ANXA8: variants seen among roughly 807,000 people sequenced by gnomAD.
The protein encoded by ANXA8 is annexin A8.
A neutral mutation model predicts 26.8 loss-of-function variants in ANXA8; 9 were observed. The observed-to-expected ratio is 0.34, with a 90% CI of 0.20 to 0.59. ANXA8 has a LOEUF of 0.59. Among genes scored for constraint, ANXA8 ranks in the 20% least tolerant of loss-of-function variants. The probability of loss-of-function intolerance (pLI) is 0.84; values close to 1 mark genes in which losing one functional copy is unlikely to be tolerated. For missense variants in ANXA8, 83 were observed against 238.5 expected (o/e 0.35, Z 4.29); for synonymous variants, 39 against 94.8 (o/e 0.41, Z 3.42).
chr10:47,666,422 C>T, the ANXA8 span, among the ~76,000 whole-genome samples: 2 of 151,430 alleles, frequency 1.3e-5, no homozygotes, highest in East Asian at 1.9e-4. Flanking sequence ...CTCACTTAAG[C>T]TTTACAACAG....
At chr10:47,488,919 C>A (rs1416157615), upstream of ANXA8, among the ~76,000 whole-genome samples, 3,274 of 137,690 alleles carry the variant, frequency 0.024, 142 homozygotes, top group African/African-American at 0.083. Context: ...AGTAGAGATG[C>A]GGTTTCACCG....
chr10:47,654,195 A>C, the ANXA8 span, among the ~76,000 whole-genome samples: 1 of 150,006 alleles, frequency 6.7e-6, no homozygotes, highest in East Asian at 2.0e-4. Context: ...TAAAACGTTC[A>C]GATTGTCATG....
At chr10:47,705,720 CTAAA>C in the ANXA8 span, among the ~76,000 whole-genome samples, 15,724 of 147,762 alleles carry the variant, frequency 0.11, 7 homozygotes, top group African/African-American at 0.15. Flanking sequence ...AAGTTAGTAG[CTAAA>C]TAAAGTATAT....
At chr10:47,946,263 T>C in the ANXA8 span, among the ~76,000 whole-genome samples, 2 of 149,170 alleles carry the variant, frequency 1.3e-5, no homozygotes, top group African/African-American at 5.0e-5. Flanking sequence ...ATAAACTCTC[T>C]TAGTTTCCTC....
chr10:47,603,283 G>A, the ANXA8 span, among the ~76,000 whole-genome samples: 1 of 148,888 alleles, frequency 6.7e-6, no homozygotes, highest in African/African-American at 2.6e-5. Context: ...ATTATATACG[G>A]CCAATATTAC....
upstream of ANXA8, among the ~76,000 whole-genome samples, chr10:47,488,710 TAA>T (rs1213880651): frequency 8.5e-6 from 1 of 118,128 alleles, no homozygotes; most frequent in Non-Finnish European, 1.7e-5. Context: ...TTTTACATGT[TAA>T]ATTTTTTTTT....
chr10:47,663,312 C>G, the ANXA8 span, among the ~76,000 whole-genome samples: 1 of 148,304 alleles, frequency 6.7e-6, no homozygotes, highest in East Asian at 1.9e-4. Flanking sequence ...ATCAACTCAA[C>G]CTCTTATATT....
At chr10:47,959,160 T>G in the ANXA8 span, among the ~76,000 whole-genome samples, 2 of 143,400 alleles carry the variant, frequency 1.4e-5, no homozygotes, top group African/African-American at 5.5e-5. Context: ...AACATGGGGG[T>G]GGAGTGACAG....
the ANXA8 span, among the ~76,000 whole-genome samples, chr10:47,651,624 G>A: frequency 6.7e-6 from 1 of 150,094 alleles, no homozygotes; most frequent in South Asian, 2.1e-4. Context: ...GCTGGGTGTG[G>A]TGGCACACAC....
the ANXA8 span, among the ~76,000 whole-genome samples, chr10:47,686,229 T>TTA: frequency 6.8e-6 from 1 of 146,578 alleles, no homozygotes; most frequent in African/African-American, 2.5e-5. Context: ...CTATCACTTT[T>TTA]TTTTTTTTTT....
chr10:47,681,523 CTTTTTTTT>C, the ANXA8 span, among the ~76,000 whole-genome samples: 4 of 81,274 alleles, frequency 4.9e-5, no homozygotes, highest in South Asian at 4.2e-4. Context: ...TTTATTTTTA[CTTTTTTTT>C]TTTTTTTTTT....
chr10:47,591,418 G>A, the ANXA8 span, among the ~76,000 whole-genome samples: 1 of 123,676 alleles, frequency 8.1e-6, no homozygotes, highest in Non-Finnish European at 1.6e-5. Context: ...TTCAGATGTA[G>A]TAACCTTCTT....
At chr10:47,941,245 G>T in the ANXA8 span, among the ~76,000 whole-genome samples, 1 of 146,512 alleles carries the variant, frequency 6.8e-6, no homozygotes, top group Non-Finnish European at 1.5e-5. Context: ...TAAGAAGCAG[G>T]CTGCTGTACC....
At chr10:47,620,544 A>G in the ANXA8 span, among the ~76,000 whole-genome samples, 2 of 91,856 alleles carry the variant, frequency 2.2e-5, 1 homozygote, top group Non-Finnish European at 4.7e-5. Context: ...GTGGAGTTGT[A>G]TATGTGCAGA....
the ANXA8 span, among the ~76,000 whole-genome samples, chr10:47,650,806 CAA>C: frequency 4.5e-5 from 5 of 111,508 alleles, no homozygotes; most frequent in African/African-American, 6.5e-5. Flanking sequence ...GACTCCGTCT[CAA>C]AAAAAAAAAA....
chr10:47,476,485 C>T (rs1839543876), intron 4 of ANXA8, among the ~76,000 whole-genome samples, 163 bp from the exon 5 acceptor site: 1 of 135,076 alleles, frequency 7.4e-6, no homozygotes, highest in African/African-American at 2.7e-5. Flanking sequence ...CAGTGATGAA[C>T]ATTGAGGGCA....
chr10:47,663,147 A>C, the ANXA8 span, among the ~76,000 whole-genome samples: 2 of 142,494 alleles, frequency 1.4e-5, no homozygotes. Context: ...GCACCACTGC[A>C]CTCCAGCCTG....
chr10:47,649,582 T>C, the ANXA8 span, among the ~76,000 whole-genome samples: 37 of 151,470 alleles, frequency 2.4e-4, no homozygotes, highest in East Asian at 6.8e-3. Flanking sequence ...CTAATTTTTG[T>C]ATTATTAGAA....
At chr10:47,982,671 C>T in the ANXA8 span, among the ~76,000 whole-genome samples, 1 of 145,456 alleles carries the variant, frequency 6.9e-6, no homozygotes, top group African/African-American at 2.5e-5. Flanking sequence ...GATATAATAC[C>T]AAAAGCAGAA....
Sources: allele counts gnomAD v4.1 joint callset (sites outside exome capture counted in the v4.1 genomes callset), GRCh38; gene constraint gnomAD v4.1.1; transcripts MANE v1.5; gene names NCBI Gene and HGNC (gene_info 2026-07-23, HGNC 2026-07-21).